Variants in NBEAL1 observed in about 807,000 individuals in gnomAD.
NBEAL1 encodes neurobeachin-like protein 1.
Under a neutral mutation model 351.3 loss-of-function variants are expected in NBEAL1, and 273 were observed. The observed-to-expected ratio is 0.78, with a 90% CI of 0.70 to 0.86. The LOEUF (loss-of-function observed/expected upper bound fraction) is 0.86, where lower values mean the gene tolerates loss of function less well. NBEAL1 is among the 40% of genes least tolerant of loss of function. The probability of loss-of-function intolerance (pLI) is 0.00; values close to 1 mark genes in which losing one functional copy is unlikely to be tolerated. For missense variants in NBEAL1, 2,961 were observed against 3,201.3 expected (o/e 0.92, Z 1.81); for synonymous variants, 1,050 against 1,086.4 (o/e 0.97, Z 0.66).
chr2:203,184,612 ACT>A (rs1437507589), intron 44 of NBEAL1, among the ~76,000 whole-genome samples: 2 of 151,870 alleles, frequency 1.3e-5, no homozygotes, highest in Non-Finnish European at 2.9e-5. Flanking sequence ...ATGTTGGAGG[ACT>A]CTGAAAATAA....
intron 51 of NBEAL1, among the ~76,000 whole-genome samples, chr2:203,207,273 G>A (rs1027719984): frequency 4.6e-5 from 7 of 150,682 alleles, no homozygotes; most frequent in Middle Eastern, 3.5e-3. Flanking sequence ...CAGCCACCCC[G>A]TCCAGGAGGG....
intron 33 of NBEAL1, among the ~76,000 whole-genome samples, chr2:203,147,059 A>G (rs2063530862): frequency 6.6e-6 from 1 of 152,098 alleles, no homozygotes; most frequent in African/African-American, 2.4e-5. Flanking sequence ...CACTAGCTTC[A>G]TATTCAGAGG....
chr2:203,133,181 C>T, intron 27 of NBEAL1, 35 bp downstream of exon 27: 1 of 902,244 alleles, frequency 1.1e-6, no homozygotes, highest in Non-Finnish European at 1.7e-6. Context: ...TTAATGATAG[C>T]AGCATCACCA....
At chr2:203,050,420 A>C (rs1046483325) in intron 4 of NBEAL1, among the ~76,000 whole-genome samples, 1 of 152,174 alleles carries the variant, frequency 6.6e-6, no homozygotes, top group Non-Finnish European at 1.5e-5. Context: ...TTTAGTTACT[A>C]TACCTAGTTA....
intron 2 of NBEAL1, among the ~76,000 whole-genome samples, chr2:203,027,808 G>A (rs959186649): frequency 2.0e-5 from 3 of 152,170 alleles, no homozygotes; most frequent in Non-Finnish European, 2.9e-5. Context: ...GACTCGTGAG[G>A]TCAAGTGATC....
At chr2:203,084,390 A>T in intron 9 of NBEAL1, 73 bp from the exon 10 acceptor site, 1 of 647,036 alleles carries the variant, frequency 1.5e-6, no homozygotes, top group Non-Finnish European at 2.4e-6. Flanking sequence ...AAAAAGAAAA[A>T]TGATTAGAGT....
chr2:203,054,175 C>T (rs891763717), intron 4 of NBEAL1, among the ~76,000 whole-genome samples: 3 of 152,172 alleles, frequency 2.0e-5, no homozygotes, highest in African/African-American at 4.8e-5. Context: ...CCTGTAATCC[C>T]AGCACTTTGG....
At chr2:203,100,243 A>G (rs2062284616) in intron 12 of NBEAL1, among the ~76,000 whole-genome samples, 1 of 152,170 alleles carries the variant, frequency 6.6e-6, no homozygotes, top group African/African-American at 2.4e-5. Flanking sequence ...AGAACAATTT[A>G]TATTCCCTTG....
chr2:203,183,505 T>A, intron 44 of NBEAL1, 117 bp downstream of exon 44: 1 of 598,576 alleles, frequency 1.7e-6, no homozygotes, highest in Non-Finnish European at 2.9e-6. Flanking sequence ...CTATTATATA[T>A]GCTGACTTTA....
At chr2:203,064,062 TG>T (rs997847380) in intron 6 of NBEAL1, among the ~76,000 whole-genome samples, 1 of 152,140 alleles carries the variant, frequency 6.6e-6, no homozygotes, top group African/African-American at 2.4e-5. Flanking sequence ...TTTGTTTGTT[TG>T]TTTGTTTTGA....
intron 44 of NBEAL1, among the ~76,000 whole-genome samples, chr2:203,185,486 C>T (rs970011919): frequency 1.3e-5 from 2 of 152,056 alleles, no homozygotes; most frequent in Non-Finnish European, 2.9e-5. Context: ...ACATAACAAA[C>T]CTGCATGTTC....
intron 2 of NBEAL1, among the ~76,000 whole-genome samples, chr2:203,036,394 C>T (rs1207437091): frequency 6.7e-6 from 1 of 148,920 alleles, no homozygotes; most frequent in Non-Finnish European, 1.5e-5. Flanking sequence ...ACTAAAGATC[C>T]ATTTTATTTA....
intron 39 of NBEAL1, 131 bp from the exon 40 acceptor site, chr2:203,171,797 A>G (rs1249063134): frequency 1.1e-5 from 5 of 461,156 alleles, no homozygotes; most frequent in African/African-American, 2.1e-5. Context: ...TAGGAAAAGT[A>G]TATTGATTTA....
chr2:203,211,334 T>TA (rs2065784091), intron 54 of NBEAL1, among the ~76,000 whole-genome samples: 1 of 152,006 alleles, frequency 6.6e-6, no homozygotes, highest in Non-Finnish European at 1.5e-5. Flanking sequence ...TTATATATAT[T>TA]TTACCGCAAT....
intron 47 of NBEAL1, among the ~76,000 whole-genome samples, chr2:203,195,222 CAAAT>C (rs145524179): frequency 0.019 from 2,861 of 151,730 alleles, 39 homozygotes; most frequent in Middle Eastern, 0.045. Flanking sequence ...ACATTTTACT[CAAAT>C]GAACAATATT....
Position 203,135,898 on chromosome 2 carries a change from C to G in NBEAL1, c.4035C>G (p.Ile1345Met). 1.2e-6 allele frequency: 2 copies of G among 1,614,060 alleles called. No individual in the cohort carries two copies. Among genetic ancestry groups the G allele is most frequent in the Admixed American group, 1.7e-5 (1 of 60,016 alleles). ...ATGAAAAAACAGATGAGGAAAAAATCACCTCTTTTGCCTCAGCTAATGTGT... is the reference window on the plus strand; with the variant it reads ...ATGAAAAAACAGATGAGGAAAAAATGACCTCTTTTGCCTCAGCTAATGTGT... ...NSDEKTDEEK[I>M]TSFASANVSS... is the part of the protein sequence containing the mutation. Residue 1345 changes from isoleucine (I) to methionine (M), a missense_variant, in exon 28 of 56, where the codon ATC becomes ATG. Coordinates refer to ENST00000683969, the MANE Select transcript of NBEAL1 (RefSeq NM_001378026.1).
intron 27 of NBEAL1, among the ~76,000 whole-genome samples, chr2:203,134,646 T>C (rs1267157971): frequency 3.3e-5 from 5 of 152,202 alleles, no homozygotes; most frequent in African/African-American, 7.2e-5. Context: ...AAAATTGTCT[T>C]AAAAGATCTT....
intron 29 of NBEAL1, among the ~76,000 whole-genome samples, chr2:203,137,549 A>C (rs1246550053): frequency 6.6e-6 from 1 of 152,222 alleles, no homozygotes; most frequent in African/African-American, 2.4e-5. Context: ...AAACTAATTT[A>C]AGTATCTCAT....
rs1379526137 is a variant in NBEAL1, at chr2:203,104,111, A to G, written c.1270-3309A>G. ...GTGGTAAAGTGTCCTGTAGATCTCT[A>G]CTAGGTCCATTTGGTCATGTGTTAA... is the stretch of plus-strand genomic sequence containing the variant. On this transcript the variant is annotated intron_variant, in intron 12 of 55. Coordinates refer to ENST00000683969, the MANE Select transcript of NBEAL1 (RefSeq NM_001378026.1). Among the ~76,000 whole-genome samples the G allele has an allele frequency of 2.6e-5, 4 of 152,070 alleles. No homozygotes were observed. In the East Asian group the frequency reaches 5.8e-4, roughly 22 times the overall value.
Sources: gnomAD v4.1 joint callset for allele counts (sites outside exome capture counted in the v4.1 genomes callset) on GRCh38, gnomAD v4.1.1 for gene constraint, MANE v1.5 for transcripts, NCBI Gene and HGNC (gene_info 2026-07-23, HGNC 2026-07-21) for gene names.